The following SGSM3 variants were observed in gnomAD, a reference collection of about 807,000 sequenced individuals.
SGSM3 encodes the protein small G protein signaling modulator 3, also known as RUN and SH3 containing 3.
SGSM3 carries 96 observed loss-of-function variants against 100.5 expected under a neutral mutation model. That is an observed-to-expected ratio of 0.96 (90% CI 0.81 to 1.13). The LOEUF (loss-of-function observed/expected upper bound fraction) is 1.13, where lower values mean the gene tolerates loss of function less well. Among genes scored for constraint, SGSM3 ranks in the 50% most tolerant of loss-of-function variants. The probability of loss-of-function intolerance (pLI) is 0.00; values close to 1 mark genes in which losing one functional copy is unlikely to be tolerated. For missense variants in SGSM3, 1,001 were observed against 1,015.8 expected (o/e 0.99, Z 0.20); for synonymous variants, 483 against 422.8 (o/e 1.14, Z -1.75).
intron 10 of SGSM3, 110 bp downstream of exon 10, chr22:40,406,772 T>C: frequency 2.0e-6 from 2 of 1,010,502 alleles, no homozygotes; most frequent in Non-Finnish European, 3.0e-6. Flanking sequence ...CTTCCTGCTC[T>C]GCCCCCCAGC....
intron 9 of SGSM3, 80 bp downstream of exon 9, chr22:40,406,303 G>A: frequency 1.3e-6 from 2 of 1,576,934 alleles, no homozygotes; most frequent in South Asian, 2.3e-5. Context: ...CCCTGGGCCA[G>A]GCAAGACCAG....
intron 1 of SGSM3, among the ~76,000 whole-genome samples, chr22:40,383,866 A>T (rs1049748517): frequency 6.6e-6 from 1 of 152,160 alleles, no homozygotes; most frequent in African/African-American, 2.4e-5. Context: ...GAGGGTCTGG[A>T]TTAAGGCAGT....
chr22:40,407,391 G>T lies in SGSM3; in HGVS notation c.1369-22G>T, dbSNP rs761823001. 1.2e-6 allele frequency: 2 copies of T among 1,611,498 alleles called. No homozygotes were observed. Among genetic ancestry groups the T allele is most frequent in the South Asian group, 2.2e-5 (2 of 91,052 alleles). On this transcript the variant is annotated intron_variant, in intron 12 of 21. Coordinates refer to ENST00000248929, the MANE Select transcript of SGSM3 (RefSeq NM_015705.6). This position sits in a 1 kb window ranked among gnomAD's most constrained non-coding sequence, Gnocchi z 4.7. ...CCCTAACTCCTCCAACCCCCTTGGT[G>T]GGCCTGTGTTCACTGTGGCAGGAGC...
Position 40,407,385 on chromosome 22 carries a change from C to G in SGSM3, c.1369-28C>G, listed in dbSNP as rs780086097. On this transcript the variant is annotated intron_variant, in intron 12 of 21. Coordinates refer to ENST00000248929, the MANE Select transcript of SGSM3 (RefSeq NM_015705.6). The surrounding 1 kb of genome is among the most constrained non-coding windows in gnomAD (Gnocchi z 4.7). ...ACACGGCCCTAACTCCTCCAACCCC[C>G]TTGGTGGGCCTGTGTTCACTGTGGC... 5 of 1,611,608 alleles carry G rather than the reference C, an allele frequency of 3.1e-6. No individual in the cohort carries two copies. The highest frequency in any genetic ancestry group is 4.2e-6 in the Non-Finnish European group (5 of 1,178,550).
chr22:40,391,250 T>C (rs2049327320), intron 1 of SGSM3, among the ~76,000 whole-genome samples: 2 of 152,190 alleles, frequency 1.3e-5, no homozygotes, highest in African/African-American at 4.8e-5. Context: ...ATTCGGGGGC[T>C]GGGCCTCAGC....
At chr22:40,409,598 GA>G (rs1308095133) in intron 21 of SGSM3, 73 bp downstream of exon 21, 5 of 1,613,272 alleles carry the variant, frequency 3.1e-6, no homozygotes, top group Non-Finnish European at 4.2e-6. Context: ...GCTAAGGTGG[GA>G]ACCCGAAGTG....
intron 1 of SGSM3, among the ~76,000 whole-genome samples, chr22:40,397,435 C>G (rs935290164): frequency 1.3e-5 from 2 of 152,086 alleles, no homozygotes; most frequent in African/African-American, 4.8e-5. Context: ...TATCCATAAT[C>G]TGACCATTTC....
chr22:40,404,530 A>T, intron 5 of SGSM3, 27 bp from the exon 6 acceptor site: 1 of 1,611,228 alleles, frequency 6.2e-7, no homozygotes, highest in East Asian at 2.2e-5. Flanking sequence ...AGAAAGACTG[A>T]GTGCCCTTGC....
At position 40,409,372 on chromosome 22, in the gene SGSM3, G is replaced by C; in HGVS notation, c.2111G>C (p.Arg704Pro). The change falls in exon 20 of 22, where the codon CGA becomes CCA. Residue 704 changes from arginine to proline, a missense_variant and splice_region_variant. By Grantham distance (103) the Arg-to-Pro change is moderately radical. Transcript: ENST00000248929. Reference sequence around the variant, plus strand: ...TGGGTCCAGATCAAGTGTGAGCTCCGGTGAGGACCTTACTGGGCTTGGGGG... The same window carrying C: ...TGGGTCCAGATCAAGTGTGAGCTCCCGTGAGGACCTTACTGGGCTTGGGGG... ...PGWVQIKCEL[R>P]VLCCFAFSLS... 6.3e-7 allele frequency: 1 copy of C among 1,598,520 alleles called. No individual in the cohort carries two copies. The highest frequency in any genetic ancestry group is 8.5e-7 in the Non-Finnish European group (1 of 1,171,842).
rs534365369 is a variant in SGSM3 at position 40,409,873 on chromosome 22, A to G, written c.*114A>G. On this transcript the variant is annotated 3_prime_UTR_variant, in exon 22 of 22. Transcript: ENST00000248929. ...CCCTGGCCGGGGCCGCGGGATATCA[A>G]TATCAGGCTGCCCCACTCCACGTTC... The G allele has an allele frequency of 6.2e-5, 91 of 1,456,748 alleles. No individual in the cohort carries two copies. The highest frequency in any genetic ancestry group is 4.5e-4 in the African/African-American group (32 of 70,524). 90.2% of individuals were successfully genotyped at this position (1,456,748 alleles called of 1,614,324 possible). A position where few individuals can be genotyped will look rare whatever the true frequency, so the allele number is the denominator to read the frequency against.
At chr22:40,384,033 G>A (rs2048024232) in intron 1 of SGSM3, among the ~76,000 whole-genome samples, 1 of 152,188 alleles carries the variant, frequency 6.6e-6, no homozygotes, top group South Asian at 2.1e-4. Context: ...AGGATTGCTT[G>A]AGTGCAGGAG....
rs201895037 is a variant in SGSM3, at chr22:40,408,609, C to T, written c.1783-18C>T. ...CATCTTCCTGTCCCTGCACTCACAC[C>T]GTGTGCTGTCCCCACAGGCTGCAGG... On this transcript the variant is annotated intron_variant, in intron 16 of 21. Transcript: ENST00000248929. 1.1e-4 allele frequency: 177 copies of T among 1,613,394 alleles called. No homozygotes were observed. Among genetic ancestry groups the T allele is most frequent in the Admixed American group, 3.0e-4 (18 of 60,020 alleles).
chr22:40,381,860 G>A lies in SGSM3; in HGVS notation c.-112+11172G>A, dbSNP rs572928463. ...CTTAGTCCCAGCTACTCAGGAGGCT[G>A]GGGTGGAAGGATGGTTTGAGCCCAG... On this transcript the variant is annotated intron_variant, in intron 1 of 21. Transcript: ENST00000248929. 3.3e-5 allele frequency among the ~76,000 whole-genome samples: 5 copies of A among 152,318 alleles called. No homozygotes were observed. In the South Asian group the frequency reaches 1.0e-3, roughly 32 times the overall value.
intron 2 of SGSM3, 148 bp downstream of exon 2, chr22:40,400,961 A>C (rs980473862): frequency 4.0e-6 from 3 of 758,446 alleles, no homozygotes; most frequent in African/African-American, 1.8e-5. Context: ...TGAGAAAGTT[A>C]TTAAAACTTC....
At chr22:40,374,767 C>A (rs2046273747) in intron 1 of SGSM3, among the ~76,000 whole-genome samples, 1 of 152,216 alleles carries the variant, frequency 6.6e-6, no homozygotes. Context: ...GTGGTCCCAG[C>A]TACTCGGGAG....
chr22:40,405,999 A>G lies in SGSM3; in HGVS notation c.815-79A>G. 2.6e-6 allele frequency: 4 copies of G among 1,557,422 alleles called. No homozygotes were observed. In the South Asian group the frequency reaches 4.8e-5, roughly 19 times the overall value. On this transcript the variant is annotated intron_variant, in intron 8 of 21. Coordinates refer to ENST00000248929, the MANE Select transcript of SGSM3 (RefSeq NM_015705.6). ...CCCCTCCCCTCCTTTGCTCTTAAGC[A>G]GGGAGGACCTTGCTGCAGTTCCGGG... is the stretch of plus-strand genomic sequence containing the variant.
At chr22:40,396,354 G>A (rs567591879) in intron 1 of SGSM3, among the ~76,000 whole-genome samples, 8 of 152,068 alleles carry the variant, frequency 5.3e-5, no homozygotes, top group Admixed American at 3.3e-4. Flanking sequence ...CACTTTGGGA[G>A]GCCGAGGCGG....
At chr22:40,380,143 A>G (rs2047319026) in intron 1 of SGSM3, among the ~76,000 whole-genome samples, 1 of 152,186 alleles carries the variant, frequency 6.6e-6, no homozygotes, top group Admixed American at 6.5e-5. Flanking sequence ...AGTATAAAGT[A>G]GTGAAGTGCT....
chr22:40,379,450 C>G (rs1212665597), intron 1 of SGSM3: 1 of 152,236 alleles, frequency 6.6e-6, no homozygotes, highest in Non-Finnish European at 1.5e-5. Flanking sequence ...ATCACCTCTT[C>G]ATAAGGACCA....
Sources: gnomAD v4.1 joint callset for allele counts (sites outside exome capture counted in the v4.1 genomes callset) on GRCh38, gnomAD v4.1.1 for gene constraint, Gnocchi (gnomAD v3.1) non-coding constraint, MANE v1.5 for transcripts, NCBI Gene and HGNC (gene_info 2026-07-23, HGNC 2026-07-21) for gene names.